Variants in LRP1B observed in about 807,000 individuals in gnomAD.
LRP1B encodes low-density lipoprotein receptor-related protein 1B.
A neutral mutation model predicts 556.6 loss-of-function variants in LRP1B; 217 were observed. The observed-to-expected ratio is 0.39, with a 90% CI of 0.35 to 0.44. The LOEUF (loss-of-function observed/expected upper bound fraction) is 0.44. LRP1B is among the 20% of genes least tolerant of loss of function. The pLI is 1.00. For synonymous variants in LRP1B, 2,047 were observed against 1,865.8 expected (o/e 1.10, Z -2.50); for missense variants, 5,053 against 5,620.8 (o/e 0.90, Z 3.23).
intron 66 of LRP1B, among the ~76,000 whole-genome samples, chr2:140,428,836 T>C (rs1375624443): frequency 6.6e-6 from 1 of 152,132 alleles, no homozygotes; most frequent in East Asian, 1.9e-4. Context: ...TGGTGCCAAC[T>C]TAGACAATAC....
At position 141,680,916 on chromosome 2, in the gene LRP1B, C is replaced by T. The variant is rs990842240; in HGVS notation, c.205+129363G>A. Among the ~76,000 whole-genome samples the T allele has an allele frequency of 2.6e-5, 4 of 152,054 alleles. No homozygotes were observed. The South Asian group carries it at 8.3e-4, about 32-fold the overall frequency. On this transcript the variant is annotated intron_variant, in intron 2 of 90. Transcript: ENST00000389484. ...GTGCTTTTATTGAAGTATTTAAATG[C>T]TGAGCCTAACTGTAAGAAAATGGTG...
chr2:142,044,976 A>C (rs1028366479), intron 1 of LRP1B, among the ~76,000 whole-genome samples: 1 of 151,742 alleles, frequency 6.6e-6, no homozygotes, highest in Admixed American at 6.6e-5. Flanking sequence ...CTCCATCTCT[A>C]TATGCATTGT....
Position 140,297,803 on chromosome 2 carries a change from C to G in LRP1B, c.12967+5G>C. The G allele has an allele frequency of 6.2e-7, 1 of 1,604,812 alleles. No individual in the cohort carries two copies. Among genetic ancestry groups the G allele is most frequent in the Non-Finnish European group, 8.5e-7 (1 of 1,173,916 alleles). On this transcript the variant is annotated splice_donor_5th_base_variant and intron_variant, in intron 84 of 90. Transcript: ENST00000389484. ...AGCTGGCTTCTGGGTGCTGCTTTTA[C>G]TTACAGTACTGACATCTGTCTCCGG...
Position 140,776,084 on chromosome 2 carries a change from T to G in LRP1B, c.5500+14A>C. On this transcript the variant is annotated intron_variant, in intron 33 of 90. Transcript: ENST00000389484. ...GTATTCAAGACCTGGCACAAATTCA[T>G]TAGTGTGATTTACCTTGCTGTGCTT... 6.5e-7 allele frequency: 1 copy of G among 1,542,908 alleles called. No homozygotes were observed. The highest frequency in any genetic ancestry group is 1.2e-5 in the South Asian group (1 of 82,388).
At chr2:140,704,048 CTGTTT>C (rs1475092824) in intron 37 of LRP1B, among the ~76,000 whole-genome samples, 4 of 152,232 alleles carry the variant, frequency 2.6e-5, no homozygotes, top group African/African-American at 9.6e-5. Flanking sequence ...AATGGTAGCT[CTGTTT>C]TAAGTTCCTT....
chr2:140,566,166 C>T (rs927537022), intron 43 of LRP1B, among the ~76,000 whole-genome samples: 2 of 152,132 alleles, frequency 1.3e-5, no homozygotes, highest in African/African-American at 4.8e-5. Context: ...TGCCCAGTGT[C>T]CTGACATTCC....
intron 86 of LRP1B, among the ~76,000 whole-genome samples, chr2:140,256,443 T>C (rs1305372394): frequency 2.1e-5 from 3 of 142,260 alleles, no homozygotes; most frequent in South Asian, 2.2e-4. Flanking sequence ...TTCTCTTTTT[T>C]CCTTCCTTTT....
chr2:140,412,667 T>A (rs1466899747), intron 66 of LRP1B, among the ~76,000 whole-genome samples: 1 of 152,058 alleles, frequency 6.6e-6, no homozygotes, highest in Non-Finnish European at 1.5e-5. Context: ...AACAACTCTA[T>A]GATAAATATG....
At chr2:141,209,530 G>A (rs1176525901) in intron 6 of LRP1B, among the ~76,000 whole-genome samples, 2 of 152,262 alleles carry the variant, frequency 1.3e-5, no homozygotes, top group Non-Finnish European at 2.9e-5. Flanking sequence ...GCTTAACAAT[G>A]TTTAATAGGT....
intron 1 of LRP1B, among the ~76,000 whole-genome samples, chr2:141,909,959 C>A (rs959114069): frequency 6.6e-6 from 1 of 151,910 alleles, no homozygotes; most frequent in Non-Finnish European, 1.5e-5. Context: ...CCTTTTCCAT[C>A]TAGGGATTAA....
chr2:140,838,284 T>C (rs1289499158), intron 31 of LRP1B, among the ~76,000 whole-genome samples: 6 of 152,222 alleles, frequency 3.9e-5, no homozygotes, highest in Admixed American at 1.3e-4. Context: ...ATTGCCTTAG[T>C]TCAAATTAAG....
chr2:140,816,357 C>T (rs2105043670), intron 31 of LRP1B, among the ~76,000 whole-genome samples: 1 of 152,086 alleles, frequency 6.6e-6, no homozygotes, highest in Non-Finnish European at 1.5e-5. Flanking sequence ...ACCTCATGAT[C>T]CACCTGCCTC....
At chr2:140,766,842 T>TG (rs1689129976) in intron 35 of LRP1B, among the ~76,000 whole-genome samples, 1 of 15,354 alleles carries the variant, frequency 6.5e-5, no homozygotes, top group Non-Finnish European at 3.1e-4. Flanking sequence ...TATATATATA[T>TG]ATTATATATA....
At chr2:141,972,191 C>T (rs1023454172) in intron 1 of LRP1B, among the ~76,000 whole-genome samples, 4 of 151,312 alleles carry the variant, frequency 2.6e-5, no homozygotes, top group Non-Finnish European at 5.9e-5. Flanking sequence ...TAAATGCATG[C>T]GACAGTCACC....
chr2:141,355,876 T>C (rs187990566), intron 3 of LRP1B, among the ~76,000 whole-genome samples: 265 of 152,290 alleles, frequency 1.7e-3, no homozygotes, highest in Non-Finnish European at 2.8e-3. Context: ...TCACATTATT[T>C]TCTCATGCAC....
intron 2 of LRP1B, among the ~76,000 whole-genome samples, chr2:141,644,562 A>C (rs1689478101): frequency 6.6e-6 from 1 of 152,140 alleles, no homozygotes. Context: ...AATTAAAATT[A>C]TTAGATAAAT....
intron 43 of LRP1B, among the ~76,000 whole-genome samples, chr2:140,550,531 G>T (rs372003950): frequency 6.6e-6 from 1 of 152,026 alleles, no homozygotes; most frequent in Admixed American, 6.6e-5. Flanking sequence ...GTTCTCTTGT[G>T]CTTAGAAAAA....
intron 2 of LRP1B, among the ~76,000 whole-genome samples, chr2:141,682,359 G>C (rs562375063): frequency 2.0e-5 from 3 of 151,344 alleles, no homozygotes; most frequent in Non-Finnish European, 4.4e-5. Flanking sequence ...AAAAAAAAAG[G>C]ATTTTTAGGA....
intron 3 of LRP1B, among the ~76,000 whole-genome samples, chr2:141,268,016 C>G (rs947223184): frequency 6.6e-6 from 1 of 152,078 alleles, no homozygotes. Flanking sequence ...TCATTTTTCC[C>G]CTCATGGGAC....
Sources: gnomAD v4.1 joint callset for allele counts (sites outside exome capture counted in the v4.1 genomes callset) on GRCh38, gnomAD v4.1.1 for gene constraint, MANE v1.5 for transcripts, NCBI Gene and HGNC (gene_info 2026-07-23, HGNC 2026-07-21) for gene names.